Variants in FXR1 observed in about 807,000 individuals in gnomAD.
FXR1 encodes the protein RNA-binding protein FXR1.
FXR1 carries 15 observed loss-of-function variants against 84.0 expected under a neutral mutation model. The observed-to-expected ratio is 0.18, with a 90% CI of 0.12 to 0.27. The LOEUF is 0.27. Ranked by LOEUF, FXR1 falls within the 10% of genes least tolerant of loss-of-function variation. The probability of loss-of-function intolerance (pLI) is 1.00; values close to 1 mark genes in which losing one functional copy is unlikely to be tolerated. For missense variants in FXR1, 480 were observed against 774.4 expected (o/e 0.62, Z 4.51); for synonymous variants, 245 against 250.7 (o/e 0.98, Z 0.21).
intron 3 of FXR1, among the ~76,000 whole-genome samples, chr3:180,939,780 T>A (rs528564895): frequency 1.3e-5 from 2 of 152,270 alleles, no homozygotes; most frequent in East Asian, 3.9e-4. Context: ...TGTGCCAGAC[T>A]CACAACATTC....
chr3:180,973,251 C>T (rs1577009456), intron 15 of FXR1, among the ~76,000 whole-genome samples: 1 of 152,134 alleles, frequency 6.6e-6, no homozygotes, highest in Admixed American at 6.5e-5. Flanking sequence ...GTAGCGGATA[C>T]CCCAGCTAAG....
chr3:180,965,214 C>T (rs1712667795), intron 13 of FXR1, among the ~76,000 whole-genome samples: 1 of 151,988 alleles, frequency 6.6e-6, no homozygotes. Flanking sequence ...CAGGGTTTCT[C>T]CATGTTGGTC....
chr3:180,936,375 C>T (rs1235211259), intron 3 of FXR1, among the ~76,000 whole-genome samples: 3 of 152,226 alleles, frequency 2.0e-5, no homozygotes, highest in African/African-American at 7.2e-5. Context: ...TCAAGCGATT[C>T]TCCTGCCACA....
chr3:180,926,764 A>G (rs1166457374), intron 1 of FXR1, among the ~76,000 whole-genome samples: 1 of 151,976 alleles, frequency 6.6e-6, no homozygotes, highest in African/African-American at 2.4e-5. Context: ...TTACTCCTTT[A>G]TAAGGAATGT....
intron 13 of FXR1, among the ~76,000 whole-genome samples, chr3:180,967,569 GT>G (rs879929544): frequency 1.1e-3 from 161 of 140,308 alleles, no homozygotes; most frequent in South Asian, 3.2e-3. Context: ...GTTCTGTATG[GT>G]TTTTTTTTTT....
chr3:180,933,287 G>A (rs748918631), intron 1 of FXR1, 47 bp from the exon 2 acceptor site: 22 of 1,103,268 alleles, frequency 2.0e-5, no homozygotes, highest in South Asian at 1.8e-4. Context: ...TTAGAGTTAC[G>A]AAGTGCTTTA....
chr3:180,963,042 A>G lies in FXR1; in HGVS notation c.1150A>G (p.Ser384Gly). ...TTCTGTACAAGGTTCTAGGTCTTAT[A>G]GCGGAAGAGGCAGAGGTCGTCGGGG... ...QLRQIGSRSY[S>G]GRGRGRRGPN... Residue 384 changes from serine to glycine, a missense_variant, in exon 13 of 17, where the codon AGC (serine) becomes GGC (glycine). Physicochemically the swap from Ser to Gly is moderately conservative, Grantham distance 56. Coordinates refer to ENST00000357559, the MANE Select transcript of FXR1 (RefSeq NM_005087.4). 1 of 1,607,734 alleles carries G rather than the reference A, an allele frequency of 6.2e-7. No homozygotes were observed. Among genetic ancestry groups the G allele is most frequent in the East Asian group, 2.2e-5 (1 of 44,826 alleles).
chr3:180,921,870 C>T (rs1372464501), intron 1 of FXR1, among the ~76,000 whole-genome samples: 3 of 152,122 alleles, frequency 2.0e-5, no homozygotes. Context: ...CTGGGTCTCT[C>T]ACCTCCGCCT....
chr3:180,913,274 T>A (rs890733162), intron 1 of FXR1, among the ~76,000 whole-genome samples: 1 of 152,140 alleles, frequency 6.6e-6, no homozygotes, highest in Admixed American at 6.5e-5. Flanking sequence ...CTGAGGAGAA[T>A]GGGGGTACCG....
chr3:180,948,117 C>G lies in FXR1; in HGVS notation c.270+181C>G, dbSNP rs1721881714. ...TGTTCTGTATTGGCAAACACCAAAGCTGCTCTCCAGAGGTACACCTCAAGC... is the reference window on the plus strand; with the variant it reads ...TGTTCTGTATTGGCAAACACCAAAGGTGCTCTCCAGAGGTACACCTCAAGC... On this transcript the variant is annotated intron_variant, in intron 4 of 16. Coordinates refer to ENST00000357559, the MANE Select transcript of FXR1 (RefSeq NM_005087.4). 5.0e-6 allele frequency: 3 copies of G among 603,512 alleles called. No homozygotes were observed. The Admixed American group carries it at 9.3e-5, about 19-fold the overall frequency. 37.4% of individuals were successfully genotyped at this position (603,512 alleles called of 1,614,324 possible).
In FXR1 at chr3:180,933,492, G is replaced by A. The variant is rs921755009; in HGVS notation, c.104+106G>A. The A allele has an allele frequency of 4.3e-6, 3 of 701,294 alleles. No homozygotes were observed. In the African/African-American group the frequency reaches 5.4e-5, roughly 13 times the overall value. The allele number at this position is 701,294 out of a possible 1,614,324, so 43.4% of individuals were successfully genotyped here. A position where few individuals can be genotyped will look rare whatever the true frequency, so the allele number is the denominator to read the frequency against. ...AGTGGAAAAATGATTTTGCTTTTAG[G>A]GAGTGGGGAGGTTTGGTTGTTTGAT... On this transcript the variant is annotated intron_variant, in intron 2 of 16. Transcript: ENST00000357559.
At chr3:180,916,746 C>G (rs1311937763) in intron 1 of FXR1, among the ~76,000 whole-genome samples, 7 of 151,998 alleles carry the variant, frequency 4.6e-5, no homozygotes, top group Admixed American at 4.6e-4. Flanking sequence ...GTAAGTCACT[C>G]AGTTTCTGGC....
intron 10 of FXR1, among the ~76,000 whole-genome samples, chr3:180,960,673 C>T (rs1711981179): frequency 6.6e-6 from 1 of 152,062 alleles, no homozygotes; most frequent in Non-Finnish European, 1.5e-5. Context: ...CCATGCTGCC[C>T]AGGCTGGTCT....
intron 1 of FXR1, among the ~76,000 whole-genome samples, chr3:180,916,610 G>A (rs1424307543): frequency 6.6e-6 from 1 of 152,134 alleles, no homozygotes; most frequent in Non-Finnish European, 1.5e-5. Context: ...GTTTTACTGT[G>A]TAGGCCAGGC....
chr3:180,958,570 T>C (rs1007350751), intron 10 of FXR1, among the ~76,000 whole-genome samples: 21 of 152,188 alleles, frequency 1.4e-4, no homozygotes, highest in Non-Finnish European at 1.5e-5. Context: ...ATTTTGTTCC[T>C]TTTTATGGCT....
chr3:180,937,968 T>G (rs993086107), intron 3 of FXR1, among the ~76,000 whole-genome samples: 1 of 152,168 alleles, frequency 6.6e-6, no homozygotes, highest in African/African-American at 2.4e-5. Flanking sequence ...AAAGGACATA[T>G]TTAAGTTGAA....
chr3:180,913,752 A>G (rs1051119472), intron 1 of FXR1, among the ~76,000 whole-genome samples: 17 of 152,078 alleles, frequency 1.1e-4, no homozygotes, highest in African/African-American at 3.9e-4. Context: ...TCAATACAGA[A>G]TCTCCCCAGC....
chr3:180,940,580 G>GTTTTGTTTTTTTTTT (rs746815811), intron 3 of FXR1, among the ~76,000 whole-genome samples: 2 of 146,114 alleles, frequency 1.4e-5, no homozygotes, highest in African/African-American at 5.4e-5. Context: ...GTTTTTTTCT[G>GTTTTGTTTTTTTTTT]TTTTCTTTTT....
intron 13 of FXR1, 110 bp from the exon 14 acceptor site, chr3:180,967,941 C>T: frequency 1.5e-6 from 1 of 687,830 alleles, no homozygotes; most frequent in Admixed American, 2.5e-5. Context: ...TTCTTTGAAG[C>T]AGCCAAACAG....
Sources: gnomAD v4.1 joint callset for allele counts (sites outside exome capture counted in the v4.1 genomes callset) on GRCh38, gnomAD v4.1.1 for gene constraint, MANE v1.5 for transcripts, NCBI Gene and HGNC (gene_info 2026-07-23, HGNC 2026-07-21) for gene names.